SHPRH: variants seen among roughly 807,000 people sequenced by gnomAD.
SHPRH encodes SNF2 histone linker PHD RING helicase.
A neutral mutation model predicts 202.5 loss-of-function variants in SHPRH; 106 were observed. That is an observed-to-expected ratio of 0.52 (90% CI 0.45 to 0.62). The LOEUF (loss-of-function observed/expected upper bound fraction) is 0.62, where lower values mean the gene tolerates loss of function less well. Among genes scored for constraint, SHPRH ranks in the 20% least tolerant of loss-of-function variants. The pLI, the probability that SHPRH is intolerant of heterozygous loss-of-function variation, is 0.00. For missense variants in SHPRH, 1,710 were observed against 2,020.0 expected, an observed-to-expected ratio of 0.85 and a Z score of 2.94; for synonymous variants, 729 against 686.0, an observed-to-expected ratio of 1.06 and a Z score of -0.98.
chr6:145,936,982 T>C (rs866899474), intron 11 of SHPRH, among the ~76,000 whole-genome samples: 1,516 of 129,274 alleles, frequency 0.012, 47 homozygotes, highest in African/African-American at 0.045. Context: ...CTTCATCTTT[T>C]TTTTTTTTTT....
intron 10 of SHPRH, 97 bp from the exon 11 acceptor site, chr6:145,940,898 C>A: frequency 8.4e-7 from 1 of 1,184,450 alleles, no homozygotes. Flanking sequence ...CCATTAAAAG[C>A]TACACTTCTG....
At chr6:145,936,003 ATAAAT>A (rs1477898499) in intron 11 of SHPRH, among the ~76,000 whole-genome samples, 2 of 152,236 alleles carry the variant, frequency 1.3e-5, no homozygotes, top group African/African-American at 2.4e-5. Flanking sequence ...ACTCAAATAA[ATAAAT>A]TATAGTAATC....
At chr6:145,858,563 G>T in the SHPRH span, among the ~76,000 whole-genome samples, 4 of 152,162 alleles carry the variant, frequency 2.6e-5, no homozygotes, top group South Asian at 8.3e-4. Flanking sequence ...GGAATGAGTA[G>T]AGGAAAACAA....
chr6:145,932,982 A>G, intron 14 of SHPRH, 75 bp downstream of exon 14: 1 of 1,503,376 alleles, frequency 6.7e-7, no homozygotes, highest in African/African-American at 1.4e-5. Context: ...CCAAAAATCA[A>G]AATCTATTTT....
intron 25 of SHPRH, chr6:145,908,501 T>C (rs1783176690): frequency 6.6e-6 from 1 of 152,220 alleles, no homozygotes; most frequent in Admixed American, 6.6e-5. Flanking sequence ...TGATTTGCAT[T>C]TCTCCGATGA....
chr6:145,878,003 T>C (rs1583271768), intron 2 of SHPRH: 1 of 152,220 alleles, frequency 6.6e-6, no homozygotes, highest in Non-Finnish European at 1.5e-5. Flanking sequence ...GGGCACATGT[T>C]CTCAGGACCA....
At chr6:145,894,721 C>A (rs1025125517) in intron 26 of SHPRH, among the ~76,000 whole-genome samples, 164 bp downstream of exon 26, 2 of 151,974 alleles carry the variant, frequency 1.3e-5, no homozygotes, top group African/African-American at 4.8e-5. Flanking sequence ...AACATCATCA[C>A]ATTTCTCTAA....
At chr6:145,895,772 CTAGT>C (rs1781962207) in intron 25 of SHPRH, among the ~76,000 whole-genome samples, 1 of 151,964 alleles carries the variant, frequency 6.6e-6, no homozygotes, top group South Asian at 2.1e-4. Context: ...CTACAACTCA[CTAGT>C]TATAGTTTCT....
At chr6:145,871,474 G>A (rs1317111648) in intron 2 of SHPRH, 1 of 152,082 alleles carries the variant, frequency 6.6e-6, no homozygotes, top group Non-Finnish European at 1.5e-5. Context: ...AAATACCTAG[G>A]AATACAGCTA....
intron 2 of SHPRH, among the ~76,000 whole-genome samples, chr6:145,953,770 G>C (rs1788215575): frequency 6.6e-6 from 1 of 151,990 alleles, no homozygotes; most frequent in Non-Finnish European, 1.5e-5. Flanking sequence ...TAAGAAGAAT[G>C]GGTATTATTT....
At position 145,886,189 on chromosome 6, in the gene SHPRH, T is replaced by C. The variant is rs1445669865; in HGVS notation, c.*502A>G. 9 of 366,282 alleles carry C rather than the reference T, an allele frequency of 2.5e-5. No individual in the cohort carries two copies. Among genetic ancestry groups the C allele is most frequent in the Non-Finnish European group, 4.6e-5 (9 of 195,006 alleles). 22.7% of individuals were successfully genotyped at this position (366,282 alleles called of 1,614,324 possible). A position where few individuals can be genotyped will look rare whatever the true frequency, so the allele number is the denominator to read the frequency against. On this transcript the variant is annotated 3_prime_UTR_variant, in exon 30 of 30. Coordinates refer to ENST00000275233, the MANE Select transcript of SHPRH (RefSeq NM_001042683.3). ...AAAATTACTAGGTGTAAAGTTATGG[T>C]ATAAGCCTACTCAAAAAATGGGTTA...
chr6:145,956,974 T>C (rs983491381), intron 1 of SHPRH, among the ~76,000 whole-genome samples: 1 of 152,118 alleles, frequency 6.6e-6, no homozygotes, highest in Non-Finnish European at 1.5e-5. Context: ...TAAAGTTGAA[T>C]GACTTACACT....
exon 3 of SHPRH, chr6:145,864,358 A>G: frequency 2.4e-6 from 1 of 415,628 alleles, no homozygotes; most frequent in South Asian, 1.9e-5. Flanking sequence ...CAAATCAAAA[A>G]ATTTTTAAAG....
chr6:145,898,880 C>T (rs1051038625), intron 25 of SHPRH, among the ~76,000 whole-genome samples: 3 of 152,068 alleles, frequency 2.0e-5, no homozygotes, highest in Non-Finnish European at 2.9e-5. Flanking sequence ...GGTGTAATTA[C>T]AGCTCACTGC....
At chr6:145,884,418 T>G (rs1165848445), downstream of SHPRH, 1 of 152,222 alleles carries the variant, frequency 6.6e-6, no homozygotes, top group East Asian at 1.9e-4. Context: ...GGAATCATGT[T>G]ACAGAAAATG....
At chr6:145,873,729 G>C in intron 2 of SHPRH, among the ~76,000 whole-genome samples, 1 of 137,108 alleles carries the variant, frequency 7.3e-6, no homozygotes, top group Non-Finnish European at 1.6e-5. Context: ...GGGAGGGAGG[G>C]AGGGAGGGAG....
At chr6:145,920,860 A>C (rs1784378251) in intron 21 of SHPRH, among the ~76,000 whole-genome samples, 1 of 152,098 alleles carries the variant, frequency 6.6e-6, no homozygotes, top group African/African-American at 2.4e-5. Context: ...CTCTAATTTC[A>C]TATAATAGCA....
intron 14 of SHPRH, among the ~76,000 whole-genome samples, chr6:145,927,783 T>G (rs982142968): frequency 1.3e-5 from 2 of 151,994 alleles, no homozygotes; most frequent in African/African-American, 2.4e-5. Flanking sequence ...GTTCTTGGTA[T>G]TAGGCCAAAT....
chr6:145,919,292 AGAT>A, intron 22 of SHPRH, 53 bp downstream of exon 22: 1 of 1,605,556 alleles, frequency 6.2e-7, no homozygotes, highest in Non-Finnish European at 8.5e-7. Flanking sequence ...TATGGGTCTT[AGAT>A]ATCTGTGACA....
Sources: allele counts gnomAD v4.1 joint callset (sites outside exome capture counted in the v4.1 genomes callset), GRCh38; gene constraint gnomAD v4.1.1; transcripts MANE v1.5; gene names NCBI Gene and HGNC (gene_info 2026-07-23, HGNC 2026-07-21).